PIEZO2: variants seen among roughly 807,000 people sequenced by gnomAD.
PIEZO2 encodes piezo type mechanosensitive ion channel component 2, also known as piezo-type mechanosensitive ion channel component 2.
Under a neutral mutation model 337.3 loss-of-function variants are expected in PIEZO2, and 172 were observed. That is an observed-to-expected ratio of 0.51 (90% CI 0.45 to 0.58). The LOEUF is 0.58. Ranked by LOEUF, PIEZO2 falls within the 20% of genes least tolerant of loss-of-function variation. The pLI is 0.00. For missense variants in PIEZO2, 3,028 were observed against 3,391.3 expected (o/e 0.89, Z 2.66); for synonymous variants, 1,251 against 1,228.5 (o/e 1.02, Z -0.38).
intron 7 of PIEZO2, among the ~76,000 whole-genome samples, chr18:10,817,937 A>G (rs1205576912): frequency 6.6e-6 from 1 of 151,610 alleles, no homozygotes; most frequent in Non-Finnish European, 1.5e-5. Context: ...AAAAAAAAAA[A>G]AGTAGGACTT....
rs1323275590 is a variant in PIEZO2 at position 10,767,084 on chromosome 18, A to G, written c.2946+3064T>C. ...GGGAGGAGCTGAGGTGCTAACAGAA[A>G]GTGTGGCTCTTGCTCAAGACTCACT... On this transcript the variant is annotated intron_variant, in intron 21 of 55. Transcript: ENST00000674853. The surrounding 1 kb of genome is among the most constrained non-coding windows in gnomAD (Gnocchi z 4.2). Among the ~76,000 whole-genome samples the G allele has an allele frequency of 2.0e-5, 3 of 151,336 alleles. No homozygotes were observed. The highest frequency in any genetic ancestry group is 2.0e-4 in the Admixed American group (3 of 15,190).
chr18:10,969,482 C>T lies in PIEZO2; in HGVS notation c.286+10053G>A, dbSNP rs762402474. Among the ~76,000 whole-genome samples, 2 of 152,084 alleles carry T rather than the reference C, an allele frequency of 1.3e-5. No homozygotes were observed. The highest frequency in any genetic ancestry group is 3.8e-4 in the East Asian group (2 of 5,198). The stretch of plus-strand genomic sequence containing the variant: ...GAGACCTCCTTGTTAAAGCACAGTC[C>T]CACACCTCCTTTTCTTCTCTTTCCT... On this transcript the variant is annotated intron_variant, in intron 3 of 55. Coordinates refer to ENST00000674853, the MANE Select transcript of PIEZO2 (RefSeq NM_001378183.1). This position sits in a 1 kb window ranked among gnomAD's most constrained non-coding sequence, Gnocchi z 4.5.
rs1040835232 is a variant in PIEZO2, at chr18:11,031,013, G to C, written c.160+35114C>G. Among the ~76,000 whole-genome samples, 1 of 152,056 alleles carries C rather than the reference G, an allele frequency of 6.6e-6. No individual in the cohort carries two copies. Among genetic ancestry groups the C allele is most frequent in the Non-Finnish European group, 1.5e-5 (1 of 68,010 alleles). On this transcript the variant is annotated intron_variant, in intron 2 of 55. Coordinates refer to ENST00000674853, the MANE Select transcript of PIEZO2 (RefSeq NM_001378183.1). This position sits in a 1 kb window ranked among gnomAD's most constrained non-coding sequence, Gnocchi z 4.7. ...ATTTTGTTGTTGTTGTTGTTGAGACGGAGTCTTGCTCTGTTGCCCAGGCTG... is the reference window on the plus strand; with the variant it reads ...ATTTTGTTGTTGTTGTTGTTGAGACCGAGTCTTGCTCTGTTGCCCAGGCTG...
intron 4 of PIEZO2, chr18:10,908,800 A>G (rs1316566371): frequency 6.6e-6 from 1 of 152,252 alleles, no homozygotes; most frequent in African/African-American, 2.4e-5. Context: ...AACATACCCA[A>G]GAATTCCATG....
intron 31 of PIEZO2, 72 bp from the exon 32 acceptor site, chr18:10,742,687 T>C: frequency 6.7e-7 from 1 of 1,486,268 alleles, no homozygotes; most frequent in African/African-American, 1.4e-5. Flanking sequence ...ACTTTGGACT[T>C]ATGCTGTTAC....
chr18:10,889,129 A>T (rs2144918444), intron 4 of PIEZO2, among the ~76,000 whole-genome samples: 1 of 152,370 alleles, frequency 6.6e-6, no homozygotes, highest in Admixed American at 6.5e-5. Context: ...AGGAGGACAG[A>T]CACAGGTCCA....
chr18:10,973,387 T>C lies in PIEZO2; in HGVS notation c.286+6148A>G, dbSNP rs264235. On this transcript the variant is annotated intron_variant, in intron 3 of 55. Transcript: ENST00000674853. The surrounding 1 kb of genome is among the most constrained non-coding windows in gnomAD (Gnocchi z 4.9). ...CTACTGATCATAAATGTGTCTTTGC[T>C]CACTATGGAGAGCAGCAGTCTCCAT... Among the ~76,000 whole-genome samples the C allele has an allele frequency of 0.52, 78,937 of 152,078 alleles. 20,829 individuals carry two copies. The highest frequency in any genetic ancestry group is 0.58 in the African/African-American group (24,194 of 41,470).
chr18:11,037,929 G>A (rs1374508429), intron 2 of PIEZO2, among the ~76,000 whole-genome samples: 1 of 152,178 alleles, frequency 6.6e-6, no homozygotes, highest in African/African-American at 2.4e-5. Flanking sequence ...TTCCAAGTTT[G>A]TCTCCATATC....
At chr18:10,887,316 A>ACCTCAG (rs61617162) in intron 4 of PIEZO2, among the ~76,000 whole-genome samples, 4,143 of 151,746 alleles carry the variant, frequency 0.027, 206 homozygotes, top group African/African-American at 0.095. Flanking sequence ...TGATCCGCCC[A>ACCTCAG]CCTCAGCCTC....
intron 1 of PIEZO2, among the ~76,000 whole-genome samples, chr18:11,090,872 C>T (rs1468017870): frequency 6.7e-6 from 1 of 150,006 alleles, no homozygotes; most frequent in East Asian, 2.0e-4. Context: ...CGAGATCGCG[C>T]CACTGCACTC....
intron 1 of PIEZO2, among the ~76,000 whole-genome samples, chr18:11,114,298 C>G (rs1424630428): frequency 1.3e-5 from 2 of 152,186 alleles, no homozygotes; most frequent in Non-Finnish European, 2.9e-5. Flanking sequence ...CACTGTTTGT[C>G]TTACAATAGA....
chr18:10,836,105 A>C (rs1254919529), intron 7 of PIEZO2, among the ~76,000 whole-genome samples: 1 of 152,146 alleles, frequency 6.6e-6, no homozygotes, highest in Non-Finnish European at 1.5e-5. Flanking sequence ...TTACATGAGC[A>C]AAGTACCACA....
At position 10,787,038 on chromosome 18, in the gene PIEZO2, T is replaced by C. The variant is rs1229811146; in HGVS notation, c.2316A>G (p.Glu772=). 1 of 1,530,110 alleles carries C rather than the reference T, an allele frequency of 6.5e-7. No individual in the cohort carries two copies. The highest frequency in any genetic ancestry group is 8.7e-7 in the Non-Finnish European group (1 of 1,143,514). 94.8% of individuals were successfully genotyped at this position (1,530,110 alleles called of 1,614,324 possible). ...ATTTTCAACTCAAAATCACTTACTT[T>C]TCTTTTTTCAGTCCAGTCATATTTT... The part of the protein sequence containing the change: ...LWQNMTGLKK[E]KLEDLGLKQF... Residue 772 remains glutamate (E), a splice_region_variant and synonymous_variant, in exon 16 of 56, where the codon GAA becomes GAG. Transcript: ENST00000674853.
At chr18:10,869,310 C>T (rs1051097209) in intron 5 of PIEZO2, among the ~76,000 whole-genome samples, 3 of 152,096 alleles carry the variant, frequency 2.0e-5, no homozygotes, top group African/African-American at 7.2e-5. Context: ...TATCCTTTCC[C>T]CTCCTTCTAT....
At chr18:11,008,416 G>T (rs1440836996) in intron 2 of PIEZO2, among the ~76,000 whole-genome samples, 3 of 152,200 alleles carry the variant, frequency 2.0e-5, no homozygotes, top group African/African-American at 7.2e-5. Context: ...TCAGCTGCTA[G>T]TTAACCCTCA....
At chr18:10,866,475 C>T (rs1423841084) in intron 5 of PIEZO2, among the ~76,000 whole-genome samples, 1 of 152,100 alleles carries the variant, frequency 6.6e-6, no homozygotes, top group Non-Finnish European at 1.5e-5. Flanking sequence ...TTAGTAGAGA[C>T]AGGGTTTCAC....
chr18:10,893,282 T>C lies in PIEZO2; in HGVS notation c.329+17904A>G, dbSNP rs555186010. 2.6e-5 allele frequency among the ~76,000 whole-genome samples: 4 copies of C among 152,370 alleles called. No individual in the cohort carries two copies. In the East Asian group the frequency reaches 7.7e-4, roughly 29 times the overall value. On this transcript the variant is annotated intron_variant, in intron 4 of 55. Transcript: ENST00000674853. The stretch of plus-strand genomic sequence containing the variant: ...CTGTGGCCACTGAGATTTGTATGCC[T>C]ACACATTTGAACAGTGTGCATTTCT...
At chr18:11,140,823 G>A (rs1007131724) in intron 1 of PIEZO2, among the ~76,000 whole-genome samples, 62 of 152,310 alleles carry the variant, frequency 4.1e-4, no homozygotes, top group African/African-American at 1.4e-3. Flanking sequence ...TACGGTAGGT[G>A]GAGAAGATTC....
chr18:11,046,628 C>G (rs1202404495), intron 2 of PIEZO2, among the ~76,000 whole-genome samples: 2 of 152,256 alleles, frequency 1.3e-5, no homozygotes, highest in East Asian at 3.8e-4. Flanking sequence ...GGTCTTGCCT[C>G]TCTATGAGCC....
Sources: allele counts gnomAD v4.1 joint callset (sites outside exome capture counted in the v4.1 genomes callset), GRCh38; gene constraint gnomAD v4.1.1; non-coding constraint Gnocchi (gnomAD v3.1); transcripts MANE v1.5; gene names NCBI Gene and HGNC (gene_info 2026-07-23, HGNC 2026-07-21).